The following MUC7 variants were observed in gnomAD, a reference collection of about 807,000 sequenced individuals.
The protein encoded by MUC7 is mucin-7.
In MUC7, 2 loss-of-function variants were observed where a neutral mutation model predicts 2.5. That is an observed-to-expected ratio of 0.81 (90% CI 0.33 to 2.55). The LOEUF is 2.55. Ranked by LOEUF, MUC7 falls within the 30% of genes most tolerant of loss-of-function variation. The probability of loss-of-function intolerance (pLI) is 0.11; values close to 1 mark genes in which losing one functional copy is unlikely to be tolerated. For missense variants in MUC7, 408 were observed against 455.6 expected, an observed-to-expected ratio of 0.90 and a Z score of 0.95; for synonymous variants, 133 against 173.4, an observed-to-expected ratio of 0.77 and a Z score of 1.83.
chr4:70,448,670 T>G (rs981797174), intron 1 of MUC7, among the ~76,000 whole-genome samples: 10 of 152,236 alleles, frequency 6.6e-5, no homozygotes, highest in African/African-American at 2.2e-4. Context: ...TTCAGGTTAT[T>G]AATGCCTTGT....
chr4:70,481,870 G>C lies in MUC7; in HGVS notation c.1126G>C (p.Glu376Gln). Residue 376 changes from glutamate (E) to glutamine (Q), a missense_variant, in exon 3 of 3, where the codon GAG becomes CAG. By Grantham distance (29) the Glu-to-Gln change is conservative. This residue lies in a region of MUC7 where 175 missense variants were observed against 187.1 expected (regional missense o/e 0.94). Transcript: ENST00000304887. ...LLNRIIDDMV[E>Q]Q Reference sequence around the variant, plus strand: ...AAACAGAATTATTGACGACATGGTGGAGCAATAGTATATTGTATGTTGTAA... The same window carrying C: ...AAACAGAATTATTGACGACATGGTGCAGCAATAGTATATTGTATGTTGTAA... 1 of 1,613,538 alleles carries C rather than the reference G, an allele frequency of 6.2e-7. No homozygotes were observed. Among genetic ancestry groups the C allele is most frequent in the Non-Finnish European group, 8.5e-7 (1 of 1,179,806 alleles).
chr4:70,480,881 C>T lies in MUC7; in HGVS notation c.137C>T (p.Pro46Leu). ...HQSPKSHFEL[P>L]HYPGLLAHQK... ...TCACCCAAATCTCACTTTGAATTAC[C>T]ACATTATCCTGGACTGCTAGCTCAC... is the stretch of plus-strand genomic sequence containing the variant. Residue 46 changes from proline (P) to leucine (L), a missense_variant, in exon 3 of 3, where the codon CCA becomes CTA. Physicochemically the swap from Pro to Leu is moderately conservative, Grantham distance 98. This residue lies in a region of MUC7 where 225 missense variants were observed against 240.5 expected (regional missense o/e 0.94). Coordinates refer to ENST00000304887, the MANE Select transcript of MUC7 (RefSeq NM_152291.3). 1 of 1,614,102 alleles carries T rather than the reference C, an allele frequency of 6.2e-7. No homozygotes were observed. The highest frequency in any genetic ancestry group is 8.5e-7 in the Non-Finnish European group (1 of 1,179,984).
At chr4:70,449,803 G>GTCTC (rs535609699) in intron 1 of MUC7, among the ~76,000 whole-genome samples, 1 of 152,012 alleles carries the variant, frequency 6.6e-6, no homozygotes, top group South Asian at 2.1e-4. Flanking sequence ...CAAACATAGA[G>GTCTC]TCTCTCTCTC....
chr4:70,477,562 C>T (rs531523026), intron 2 of MUC7, among the ~76,000 whole-genome samples: 1 of 152,220 alleles, frequency 6.6e-6, no homozygotes, highest in African/African-American at 2.4e-5. Context: ...TCCTTTCTTG[C>T]TGCAAGTGCC....
chr4:70,449,669 G>A (rs931547551), intron 1 of MUC7, among the ~76,000 whole-genome samples: 5 of 152,276 alleles, frequency 3.3e-5, no homozygotes, highest in Non-Finnish European at 7.4e-5. Context: ...TGGGCACCGC[G>A]AGTCAGTAAT....
rs551822974 is a variant in MUC7, at chr4:70,477,733, A to C, written c.55-3066A>C. Among the ~76,000 whole-genome samples, 17 of 152,314 alleles carry C rather than the reference A, an allele frequency of 1.1e-4. No homozygotes were observed. The South Asian group carries it at 3.5e-3, about 32-fold the overall frequency. Reference sequence around the variant, plus strand: ...CTCAGTTTTCCCATCCATATAATGAAGATAATAACCGTACCCACCTTATGA... The same window carrying C: ...CTCAGTTTTCCCATCCATATAATGACGATAATAACCGTACCCACCTTATGA... On this transcript the variant is annotated intron_variant, in intron 2 of 2. Coordinates refer to ENST00000304887, the MANE Select transcript of MUC7 (RefSeq NM_152291.3).
Position 70,481,891 on chromosome 4 carries a change from T to C in MUC7, c.*13T>C, listed in dbSNP as rs41415448. The stretch of plus-strand genomic sequence containing the variant: ...GGTGGAGCAATAGTATATTGTATGT[T>C]GTAAAGTGTTCTGTCATTTACAAGA... On this transcript the variant is annotated 3_prime_UTR_variant, in exon 3 of 3. Coordinates refer to ENST00000304887, the MANE Select transcript of MUC7 (RefSeq NM_152291.3). 2.3e-3 allele frequency: 3,741 copies of C among 1,606,950 alleles called. 90 individuals are homozygous for C. The African/African-American group carries it at 0.045, about 19-fold the overall frequency.
chr4:70,451,906 A>G (rs7688146), intron 1 of MUC7, among the ~76,000 whole-genome samples: 53,342 of 151,946 alleles, frequency 0.35, 10,023 homozygotes, highest in Admixed American at 0.44. Flanking sequence ...CTCTCTCTTC[A>G]GTTCTAGTAA....
intron 2 of MUC7, among the ~76,000 whole-genome samples, chr4:70,480,514 G>A (rs1222258015): frequency 6.6e-6 from 1 of 152,176 alleles, no homozygotes; most frequent in Non-Finnish European, 1.5e-5. Context: ...GAGAGGAACT[G>A]TAAGCACAAA....
intron 1 of MUC7, among the ~76,000 whole-genome samples, chr4:70,452,752 A>G (rs1375096299): frequency 2.6e-5 from 4 of 152,150 alleles, no homozygotes; most frequent in Admixed American, 6.5e-5. Flanking sequence ...ACAATACTCT[A>G]TGTTCTCCTG....
chr4:70,438,911 A>C (rs890255184), intron 1 of MUC7, among the ~76,000 whole-genome samples: 1 of 152,364 alleles, frequency 6.6e-6, no homozygotes, highest in Middle Eastern at 3.4e-3. Flanking sequence ...TATGCATTCA[A>C]CATACATTTA....
intron 1 of MUC7, among the ~76,000 whole-genome samples, chr4:70,452,646 T>G (rs191219704): frequency 5.8e-4 from 88 of 152,338 alleles, no homozygotes; most frequent in Middle Eastern, 6.8e-3. Flanking sequence ...ACTTCCTGTG[T>G]CTTAAAAAGT....
intron 1 of MUC7, among the ~76,000 whole-genome samples, chr4:70,473,125 T>C (rs1734885364): frequency 6.6e-6 from 1 of 152,116 alleles, no homozygotes; most frequent in African/African-American, 2.4e-5. Flanking sequence ...ATAATTCCTG[T>C]CATTTTGGGA....
chr4:70,434,401 G>T (rs1733769323), intron 1 of MUC7, among the ~76,000 whole-genome samples: 2 of 152,122 alleles, frequency 1.3e-5, no homozygotes, highest in African/African-American at 4.8e-5. Flanking sequence ...TTCAGAACTT[G>T]TTATTGGTCT....
At chr4:70,469,168 A>G (rs1734763346), upstream of MUC7, among the ~76,000 whole-genome samples, 3 of 152,232 alleles carry the variant, frequency 2.0e-5, no homozygotes, top group South Asian at 2.1e-4. Flanking sequence ...AGGATTCCCT[A>G]TGTAATAAAC....
At chr4:70,450,641 A>G (rs1734257277) in intron 1 of MUC7, among the ~76,000 whole-genome samples, 1 of 152,178 alleles carries the variant, frequency 6.6e-6, no homozygotes, top group South Asian at 2.1e-4. Context: ...TCAGGGCCCA[A>G]GGACTCTTCA....
chr4:70,438,591 G>A (rs993921630), intron 1 of MUC7, among the ~76,000 whole-genome samples: 3 of 151,994 alleles, frequency 2.0e-5, no homozygotes, highest in Non-Finnish European at 4.4e-5. Context: ...CAAGTACCTG[G>A]GACTACGGGC....
At chr4:70,447,013 G>A (rs1734157269) in intron 1 of MUC7, among the ~76,000 whole-genome samples, 1 of 119,604 alleles carries the variant, frequency 8.4e-6, no homozygotes. Flanking sequence ...GTGCAAATGA[G>A]AAAGACATCC....
intron 1 of MUC7, among the ~76,000 whole-genome samples, chr4:70,452,670 A>T (rs1734308516): frequency 6.6e-6 from 1 of 152,122 alleles, no homozygotes; most frequent in South Asian, 2.1e-4. Flanking sequence ...TGTAGTTACT[A>T]TATTTGATTG....
Sources: gnomAD v4.1 joint callset for allele counts (sites outside exome capture counted in the v4.1 genomes callset) on GRCh38, gnomAD v4.1.1 for gene constraint, gnomAD v4.1.1 regional missense constraint, MANE v1.5 for transcripts, NCBI Gene and HGNC (gene_info 2026-07-23, HGNC 2026-07-21) for gene names.